Variants in VPS37A observed in about 807,000 individuals in gnomAD.
VPS37A encodes VPS37A subunit of ESCRT-I.
A neutral mutation model predicts 49.8 loss-of-function variants in VPS37A; 30 were observed. The ratio of observed to expected loss-of-function variants is 0.60; its 90% confidence interval spans 0.45 to 0.82. The LOEUF (loss-of-function observed/expected upper bound fraction) is 0.82, where lower values mean the gene tolerates loss of function less well. VPS37A is among the 40% of genes least tolerant of loss of function. VPS37A has a pLI of 0.00. For missense variants in VPS37A, 593 were observed against 464.4 expected, an observed-to-expected ratio of 1.28 and a Z score of -2.55; for synonymous variants, 195 against 160.6, an observed-to-expected ratio of 1.21 and a Z score of -1.62.
intron 1 of VPS37A, among the ~76,000 whole-genome samples, chr8:17,252,781 T>C (rs979175406): frequency 1.5e-4 from 23 of 152,208 alleles, no homozygotes; most frequent in African/African-American, 5.5e-4. Flanking sequence ...GGAAAACTTC[T>C]TTATGGAAGG....
intron 11 of VPS37A, among the ~76,000 whole-genome samples, chr8:17,288,849 G>A (rs1586069725): frequency 6.6e-6 from 1 of 152,292 alleles, no homozygotes; most frequent in East Asian, 1.9e-4. Flanking sequence ...GTGTAAAGGT[G>A]TTCCTATTTC....
At chr8:17,287,392 T>C (rs1815704283) in intron 11 of VPS37A, among the ~76,000 whole-genome samples, 1 of 152,138 alleles carries the variant, frequency 6.6e-6, no homozygotes, top group African/African-American at 2.4e-5. Flanking sequence ...AAATTTTTTC[T>C]GGCCGAGCGC....
At chr8:17,308,490 A>G in the VPS37A span, among the ~76,000 whole-genome samples, 63 of 152,356 alleles carry the variant, frequency 4.1e-4, no homozygotes, top group African/African-American at 1.5e-3. Context: ...CTACAAAAAT[A>G]TACTTGAGCA....
rs1167509352 is a variant in VPS37A at position 17,297,894 on chromosome 8, G to A, written c.*2908G>A. On this transcript the variant is annotated 3_prime_UTR_variant, in exon 12 of 12. Transcript: ENST00000324849. ...TTACATAAATTATAATGTCTGTCTTGTAAAAAAGTTGAGGGGACTAAAAGT... is the reference window on the plus strand; with the variant it reads ...TTACATAAATTATAATGTCTGTCTTATAAAAAAGTTGAGGGGACTAAAAGT... 1 of 152,000 alleles carries A rather than the reference G, an allele frequency of 6.6e-6. No individual in the cohort carries two copies. The highest frequency in any genetic ancestry group is 6.6e-5 in the Admixed American group (1 of 15,260). The allele number at this position is 152,000 out of a possible 1,614,324, so 9.4% of individuals were successfully genotyped here.
At chr8:17,304,020 C>T (rs1586136465), downstream of VPS37A, among the ~76,000 whole-genome samples, 1 of 152,182 alleles carries the variant, frequency 6.6e-6, no homozygotes, top group East Asian at 1.9e-4. Flanking sequence ...ATTATTTTTG[C>T]TCCAACCTTA....
the VPS37A span, among the ~76,000 whole-genome samples, chr8:17,325,735 T>C: frequency 6.6e-6 from 1 of 151,960 alleles, no homozygotes; most frequent in African/African-American, 2.4e-5. Context: ...CGTGCGCTGA[T>C]TGCACACAGA....
In VPS37A at chr8:17,295,864, A is replaced by G. The variant is rs1287954752; in HGVS notation, c.*878A>G. 5 of 152,210 alleles carry G rather than the reference A, an allele frequency of 3.3e-5. No homozygotes were observed. Among genetic ancestry groups the G allele is most frequent in the East Asian group, 1.9e-4 (1 of 5,196 alleles). 9.4% of individuals were successfully genotyped at this position (152,210 alleles called of 1,614,324 possible). On this transcript the variant is annotated 3_prime_UTR_variant, in exon 12 of 12. Coordinates refer to ENST00000324849, the MANE Select transcript of VPS37A (RefSeq NM_152415.3). ...TTTTCCTAAGAGGAAAGCTATAGTA[A>G]TAAGTAAAATTTAATTTTTAGGCAA...
chr8:17,326,702 T>C, the VPS37A span, among the ~76,000 whole-genome samples: 1 of 152,188 alleles, frequency 6.6e-6, no homozygotes, highest in Non-Finnish European at 1.5e-5. Context: ...CTCAGCTGAA[T>C]TCTGCCAACA....
At chr8:17,272,864 C>G (rs947396251) in intron 4 of VPS37A, among the ~76,000 whole-genome samples, 17 of 151,388 alleles carry the variant, frequency 1.1e-4, no homozygotes, top group East Asian at 5.8e-4. Context: ...TCACTTTTTT[C>G]CCTTGCAGCT....
chr8:17,247,405 TAGGGTGGG>T, intron 1 of VPS37A, 36 bp downstream of exon 1: 1 of 136,486 alleles, frequency 7.3e-6, no homozygotes, highest in Non-Finnish European at 1.2e-5. Context: ...GAGGAAAAAG[TAGGGTGGG>T]AGGGCGGGCT....
chr8:17,259,777 A>G (rs547196459), intron 1 of VPS37A, among the ~76,000 whole-genome samples: 5 of 152,122 alleles, frequency 3.3e-5, no homozygotes, highest in African/African-American at 1.2e-4. Context: ...GATATTTCTA[A>G]TTGTTATATC....
intron 1 of VPS37A, among the ~76,000 whole-genome samples, chr8:17,252,164 G>C (rs1044589108): frequency 6.6e-6 from 1 of 152,030 alleles, no homozygotes; most frequent in Non-Finnish European, 1.5e-5. Context: ...AAAATTTCCA[G>C]GTTTCCTTTT....
chr8:17,253,440 A>T (rs917042137), intron 1 of VPS37A, among the ~76,000 whole-genome samples: 1 of 152,212 alleles, frequency 6.6e-6, no homozygotes, highest in South Asian at 2.1e-4. Context: ...AGCCACCTTA[A>T]CTTGATTCCT....
chr8:17,259,801 G>A (rs529685331), intron 1 of VPS37A, among the ~76,000 whole-genome samples: 7 of 152,126 alleles, frequency 4.6e-5, no homozygotes, highest in African/African-American at 1.7e-4. Flanking sequence ...TTGCTGAATT[G>A]ACCCCTTTAT....
In VPS37A at chr8:17,296,709, T is replaced by C. The variant is rs1816667285; in HGVS notation, c.*1723T>C. On this transcript the variant is annotated 3_prime_UTR_variant, in exon 12 of 12. Coordinates refer to ENST00000324849, the MANE Select transcript of VPS37A (RefSeq NM_152415.3). ...ACAAAGATAAACATTGTTTAGATGC[T>C]TATCTACTTTCCTTTTCACCAGAAA... The C allele has an allele frequency of 6.6e-6, 1 of 152,180 alleles. No individual in the cohort carries two copies. Among genetic ancestry groups the C allele is most frequent in the Admixed American group, 6.5e-5 (1 of 15,282 alleles). The allele number at this position is 152,180 out of a possible 1,614,324, so 9.4% of individuals were successfully genotyped here.
chr8:17,309,141 AC>A, the VPS37A span: 1 of 634,826 alleles, frequency 1.6e-6, no homozygotes, highest in Non-Finnish European at 2.8e-6. Flanking sequence ...TATGACATAT[AC>A]AACAAAATTT....
chr8:17,268,208 G>A (rs763935649), intron 2 of VPS37A, 50 bp from the exon 3 acceptor site: 16 of 1,311,692 alleles, frequency 1.2e-5, no homozygotes, highest in Non-Finnish European at 1.7e-5. Context: ...ACCATATAAT[G>A]TACCTTTGTT....
intron 1 of VPS37A, among the ~76,000 whole-genome samples, chr8:17,263,712 G>C (rs559276752): frequency 6.6e-6 from 1 of 152,270 alleles, no homozygotes; most frequent in South Asian, 2.1e-4. Context: ...GGAAGGCCAA[G>C]GCAGGTGGAT....
At chr8:17,265,021 A>T (rs147591791) in intron 1 of VPS37A, among the ~76,000 whole-genome samples, 2 of 152,228 alleles carry the variant, frequency 1.3e-5, no homozygotes, top group African/African-American at 2.4e-5. Context: ...AATGGTGGCT[A>T]AAACAAGATA....
Sources: allele counts gnomAD v4.1 joint callset (sites outside exome capture counted in the v4.1 genomes callset), GRCh38; gene constraint gnomAD v4.1.1; transcripts MANE v1.5; gene names NCBI Gene and HGNC (gene_info 2026-07-23, HGNC 2026-07-21).